Variants in MDP1 observed in about 807,000 individuals in gnomAD.
MDP1 encodes the protein magnesium dependent phosphatase 1.
Under a neutral mutation model 21.6 loss-of-function variants are expected in MDP1, and 18 were observed. The observed-to-expected ratio is 0.83, with a 90% CI of 0.58 to 1.24. The LOEUF is 1.24. MDP1 is among the 50% of genes most tolerant of loss of function. The pLI is 0.00. For missense variants in MDP1, 207 were observed against 218.6 expected (o/e 0.95, Z 0.33); for synonymous variants, 101 against 83.2 (o/e 1.21, Z -1.16).
rs375380712 is a variant in MDP1 at position 24,215,572 on chromosome 14, C to T, written c.189G>A (p.Val63=). ...EVLKRLQSLG[V]PGAAASRTSE... ...CTTACCTTGAAGCAGCCGCACCGGG[C>T]ACCCCAAGGCTCTGCAATCGTTTTA... is the stretch of plus-strand genomic sequence containing the variant. The change falls in exon 3 of 6, where the codon GTG becomes GTA. Residue 63 remains valine (V), a synonymous_variant. Transcript: ENST00000288087. The T allele has an allele frequency of 1.1e-5, 18 of 1,614,086 alleles. No homozygotes were observed. The South Asian group carries it at 1.4e-4, about 13-fold the overall frequency.
intron 3 of MDP1, 119 bp downstream of exon 3, chr14:24,215,432 GA>G: frequency 1.7e-6 from 2 of 1,206,046 alleles, no homozygotes; most frequent in Non-Finnish European, 1.2e-6. Context: ...GCGTTCAAGG[GA>G]AAAAATATGT....
In MDP1 at chr14:24,215,999, C is replaced by T. The variant is rs775895059; in HGVS notation, c.-44G>A. On this transcript the variant is annotated 5_prime_UTR_variant, in exon 1 of 6. Transcript: ENST00000288087. ...CGCGCAGCAGAGGTGGGGCTTCACC[C>T]GGGGCCTTAGAGAGTGCGGAACCTC... 24 of 1,613,266 alleles carry T rather than the reference C, an allele frequency of 1.5e-5. No individual in the cohort carries two copies. The South Asian group carries it at 2.4e-4, about 16-fold the overall frequency.
rs753987448 is a variant in MDP1 at position 24,214,034 on chromosome 14, A to G, written c.521T>C (p.Phe174Ser). 6 of 1,579,594 alleles carry G rather than the reference A, an allele frequency of 3.8e-6. No homozygotes were observed. In the Admixed American group the frequency reaches 6.0e-5, roughly 16 times the overall value. ...PLRSSLEESP[F>S]EA ...TGATTTCCTTTCAGTTTAGGCCTCA[A>G]ATGGGCTCTCCTCAAGGCTGGACCT... The change falls in exon 6 of 6, where the codon TTT becomes TCT. Residue 174 changes from phenylalanine (F) to serine (S), a missense_variant. Physicochemically the swap from Phe to Ser is radical, Grantham distance 155. Transcript: ENST00000288087.
chr14:24,214,767 A>G (rs1338904196), intron 3 of MDP1, among the ~76,000 whole-genome samples, 168 bp from the exon 4 acceptor site: 3 of 152,070 alleles, frequency 2.0e-5, no homozygotes, highest in Non-Finnish European at 4.4e-5. Flanking sequence ...ATTTGACACA[A>G]TTGGTGCTGG....
chr14:24,215,570 G>A lies in MDP1; in HGVS notation c.191C>T (p.Pro64Leu), dbSNP rs1594476374. 3 of 1,614,114 alleles carry A rather than the reference G, an allele frequency of 1.9e-6. No individual in the cohort carries two copies. In the East Asian group the frequency reaches 6.7e-5, roughly 36 times the overall value. ...TTCTTACCTTGAAGCAGCCGCACCG[G>A]GCACCCCAAGGCTCTGCAATCGTTT... ...VLKRLQSLGV[P>L]GAAASRTSEI... The change falls in exon 3 of 6, where the codon CCC (proline) becomes CTC (leucine). Residue 64 changes from proline to leucine, a missense_variant. Pro to Leu is a moderately conservative substitution (Grantham distance 98). Transcript: ENST00000288087.
At chr14:24,214,938 A>T (rs11629429) in intron 3 of MDP1, among the ~76,000 whole-genome samples, 5,348 of 98,016 alleles carry the variant, frequency 0.055, 419 homozygotes, top group East Asian at 0.4. Flanking sequence ...GCACGCCACT[A>T]CAATTTTTTT....
In MDP1 at chr14:24,216,013, G is replaced by A. The variant is rs1399089285; in HGVS notation, c.-58C>T. ...GGGGCTTCACCCGGGGCCTTAGAGAGTGCGGAACCTCCGGCAGCTAAGGCA... is the reference window on the plus strand; with the variant it reads ...GGGGCTTCACCCGGGGCCTTAGAGAATGCGGAACCTCCGGCAGCTAAGGCA... On this transcript the variant is annotated 5_prime_UTR_variant, in exon 1 of 6. Coordinates refer to ENST00000288087, the MANE Select transcript of MDP1 (RefSeq NM_138476.4). 1.3e-5 allele frequency: 21 copies of A among 1,610,376 alleles called. No homozygotes were observed. The highest frequency in any genetic ancestry group is 6.7e-5 in the East Asian group (3 of 44,866).
Position 24,214,065 on chromosome 14 carries a change from G to A in MDP1, c.490C>T (p.Pro164Ser), listed in dbSNP as rs1654809046. 1.2e-6 allele frequency: 2 copies of A among 1,611,434 alleles called. No homozygotes were observed. The highest frequency in any genetic ancestry group is 2.7e-5 in the African/African-American group (2 of 74,736). The change falls in exon 6 of 6, where the codon CCT becomes TCT. Residue 164 changes from proline to serine, a missense_variant. By Grantham distance (74) the Pro-to-Ser change is moderately conservative (BLOSUM62 -1). Transcript: ENST00000288087. The stretch of plus-strand genomic sequence containing the variant: ...CTCTCCTCAAGGCTGGACCTCAAAG[G>A]CCCAGTTTGGGCCTTCGCAAATGTC... ...LETFAKAQTG[P>S]LRSSLEESPF... is the part of the protein sequence containing the mutation.
chr14:24,216,017 G>A lies in MDP1; in HGVS notation c.-62C>T. On this transcript the variant is annotated 5_prime_UTR_variant, in exon 1 of 6. Coordinates refer to ENST00000288087, the MANE Select transcript of MDP1 (RefSeq NM_138476.4). ...CTTCACCCGGGGCCTTAGAGAGTGC[G>A]GAACCTCCGGCAGCTAAGGCAGCCA... 6.2e-7 allele frequency: 1 copy of A among 1,608,542 alleles called. No individual in the cohort carries two copies.
chr14:24,213,975 T>C lies in MDP1; in HGVS notation c.*49A>G. ...TCTTCTGTCACACACAGATGAACTT[T>C]AATAAATTACAAATGCACCTGAAAA... On this transcript the variant is annotated 3_prime_UTR_variant, in exon 6 of 6. Transcript: ENST00000288087. 1.3e-6 allele frequency: 2 copies of C among 1,536,264 alleles called. No homozygotes were observed. Among genetic ancestry groups the C allele is most frequent in the Non-Finnish European group, 1.7e-6 (2 of 1,144,088 alleles).
Position 24,215,744 on chromosome 14 carries a change from T to C in MDP1, c.91A>G (p.Lys31Glu), listed in dbSNP as rs762435968. Reference protein sequence around the residue: ...VDTHVDPPFHKSSDGTVRDRR... With the variant: ...VDTHVDPPFHESSDGTVRDRR... ...TCCCTGTCCCTACCTCACCTGCTCT[T>C]ATGGAACGGAGGGTCTACGTGCGTG... Residue 31 changes from lysine to glutamate, a missense_variant, in exon 2 of 6, where the codon AAG (lysine) becomes GAG (glutamate). Transcript: ENST00000288087. 6.2e-7 allele frequency: 1 copy of C among 1,614,012 alleles called. No homozygotes were observed. The highest frequency in any genetic ancestry group is 8.5e-7 in the Non-Finnish European group (1 of 1,180,026).
rs754452200 is a variant in MDP1 at position 24,214,609 on chromosome 14, G to A, written c.210-10C>T. 106 of 1,614,004 alleles carry A rather than the reference G, an allele frequency of 6.6e-5. No individual in the cohort carries two copies. The Middle Eastern group carries it at 9.9e-4, about 15-fold the overall frequency. ...TTCTATCTCACTTGTCCTGCAAAAC[G>A]GTGTAAAAGATGGGATTAGCAAAGT... On this transcript the variant is annotated splice_polypyrimidine_tract_variant and intron_variant, in intron 3 of 5. Transcript: ENST00000288087.
At position 24,214,547 on chromosome 14, in the gene MDP1, T is replaced by C; in HGVS notation, c.262A>G (p.Arg88Gly). 6.2e-7 allele frequency: 1 copy of C among 1,614,196 alleles called. No individual in the cohort carries two copies. The highest frequency in any genetic ancestry group is 8.5e-7 in the Non-Finnish European group (1 of 1,180,038). ...NQLLELFDLF[R>G]YFVHREIYPG... Reference sequence around the variant, plus strand: ...TAGATTTCCCGATGAACAAAGTACCTGAAGAGGTCAAAGAGCTCCAGTAGC... The same window carrying C: ...TAGATTTCCCGATGAACAAAGTACCCGAAGAGGTCAAAGAGCTCCAGTAGC... Residue 88 changes from arginine to glycine, a missense_variant, in exon 4 of 6, where the codon AGG becomes GGG. Arg to Gly is a moderately radical substitution (Grantham distance 125, BLOSUM62 -2). Transcript: ENST00000288087.
chr14:24,214,300 C>T lies in MDP1; in HGVS notation c.403+10G>A. ...GGGACCCCAAATGGCTGTTCCTCAT[C>T]ACTCAGTACCCAGTTTGCTGACGTC... On this transcript the variant is annotated intron_variant, in intron 5 of 5. Coordinates refer to ENST00000288087, the MANE Select transcript of MDP1 (RefSeq NM_138476.4). 1 of 1,614,200 alleles carries T rather than the reference C, an allele frequency of 6.2e-7. No homozygotes were observed. Among genetic ancestry groups the T allele is most frequent in the Non-Finnish European group, 8.5e-7 (1 of 1,180,036 alleles).
In MDP1 at chr14:24,215,951, G is replaced by A. The variant is rs760031509; in HGVS notation, c.5C>T (p.Ala2Val). 4.2e-5 allele frequency: 68 copies of A among 1,614,054 alleles called. No individual in the cohort carries two copies. The highest frequency in any genetic ancestry group is 5.7e-5 in the Non-Finnish European group (67 of 1,180,038). ...AAAGACTGCCAGCTTCGGTAGCCGC[G>A]CCATGACCCGCACCGCAGGCTGCGC... The part of the protein sequence containing the change: M[A>V]RLPKLAVFDL... The change falls in exon 1 of 6, where the codon GCG (alanine) becomes GTG (valine). Residue 2 changes from alanine (A) to valine (V), a missense_variant. Coordinates refer to ENST00000288087, the MANE Select transcript of MDP1 (RefSeq NM_138476.4).
rs770202043 is a variant in MDP1, at chr14:24,214,512, G to T, written c.297C>A (p.Ser99Arg). ...CATACCTCTCAAAGTGTGTGATCTT[G>T]CTGCCTGGATAGATTTCCCGATGAA... ...YFVHREIYPG[S>R]KITHFERLQQ... Residue 99 changes from serine (S) to arginine (R), a missense_variant, in exon 4 of 6, where the codon AGC becomes AGA. Transcript: ENST00000288087. 1.9e-6 allele frequency: 3 copies of T among 1,614,154 alleles called. No homozygotes were observed. In the Admixed American group the frequency reaches 5.0e-5, roughly 27 times the overall value.
chr14:24,214,302 C>T lies in MDP1; in HGVS notation c.403+8G>A, dbSNP rs776076407. The T allele has an allele frequency of 1.9e-6, 3 of 1,614,250 alleles. No homozygotes were observed. The highest frequency in any genetic ancestry group is 2.2e-5 in the South Asian group (2 of 91,088). Reference sequence around the variant, plus strand: ...GACCCCAAATGGCTGTTCCTCATCACTCAGTACCCAGTTTGCTGACGTCTA... The same window carrying T: ...GACCCCAAATGGCTGTTCCTCATCATTCAGTACCCAGTTTGCTGACGTCTA... On this transcript the variant is annotated splice_region_variant and intron_variant, in intron 5 of 5. Coordinates refer to ENST00000288087, the MANE Select transcript of MDP1 (RefSeq NM_138476.4).
intron 3 of MDP1, among the ~76,000 whole-genome samples, chr14:24,214,992 G>GC (rs1034959436): frequency 4.1e-5 from 6 of 147,694 alleles, no homozygotes; most frequent in Non-Finnish European, 8.9e-5. Context: ...TGCCTAGGCT[G>GC]GTCTCAAATT....
At chr14:24,214,247 C>T (rs2039634040) in intron 5 of MDP1, 63 bp downstream of exon 5, 1 of 1,613,536 alleles carries the variant, frequency 6.2e-7, no homozygotes, top group Non-Finnish European at 8.5e-7. Flanking sequence ...AACTATCCAA[C>T]CTGTATGTAT....
Sources: gnomAD v4.1 joint callset for allele counts (sites outside exome capture counted in the v4.1 genomes callset) on GRCh38, gnomAD v4.1.1 for gene constraint, MANE v1.5 for transcripts, NCBI Gene and HGNC (gene_info 2026-07-23, HGNC 2026-07-21) for gene names.